Variants in SRCAP observed in about 807,000 individuals in gnomAD.
SRCAP encodes chromatin remodeling protein SRCAP.
In SRCAP, 46 loss-of-function variants were observed where a neutral mutation model predicts 263.1. That is an observed-to-expected ratio of 0.17 (90% CI 0.14 to 0.22). SRCAP has a LOEUF of 0.22. Ranked by LOEUF, SRCAP falls within the 10% of genes least tolerant of loss-of-function variation. SRCAP has a pLI of 1.00. For synonymous variants in SRCAP, 1,813 were observed against 1,662.1 expected, an observed-to-expected ratio of 1.09 and a Z score of -2.21; for missense variants, 3,695 against 4,181.9, an observed-to-expected ratio of 0.88 and a Z score of 3.21.
In SRCAP at chr16:30,704,152, C is replaced by T. The variant is rs1170509653; in HGVS notation, c.143C>T (p.Pro48Leu). ...PASSGAGGIS[P>L]QHIAQDSSLD... ...TCTAGTGGGGCAGGCGGCATCTCCC[C>T]GCAGCACATAGCTCAAGATTCCTCA... Residue 48 changes from proline to leucine, a missense_variant, in exon 4 of 34, where the codon CCG (proline) becomes CTG (leucine). Around this residue, in one of 12 missense-constraint regions of SRCAP, gnomAD observed 122 missense variants for 116.9 expected, o/e 1.04. Transcript: ENST00000262518. 1.7e-5 allele frequency: 28 copies of T among 1,614,082 alleles called. No homozygotes were observed. Among genetic ancestry groups the T allele is most frequent in the Non-Finnish European group, 2.2e-5 (26 of 1,180,046 alleles).
Position 30,700,766 on chromosome 16 carries a change from C to T in SRCAP, c.-59C>T. ...GACGCCAGCCCCTCGGCCAGCAGTACTGGTGATAACAACCCAGTCATTCTT... is the reference window on the plus strand; with the variant it reads ...GACGCCAGCCCCTCGGCCAGCAGTATTGGTGATAACAACCCAGTCATTCTT... On this transcript the variant is annotated 5_prime_UTR_variant, in exon 3 of 34. Coordinates refer to ENST00000262518, the MANE Select transcript of SRCAP (RefSeq NM_006662.3). 4 of 1,535,630 alleles carry T rather than the reference C, an allele frequency of 2.6e-6. No homozygotes were observed. Among genetic ancestry groups the T allele is most frequent in the South Asian group, 2.2e-5 (2 of 89,136 alleles).
At chr16:30,730,463 A>G (rs1028885861) in intron 27 of SRCAP, among the ~76,000 whole-genome samples, 1 of 150,146 alleles carries the variant, frequency 6.7e-6, no homozygotes, top group Non-Finnish European at 1.5e-5. Context: ...ATAGAGTCTC[A>G]CTCTGTCGCC....
At chr16:30,714,064 A>ATTT (rs528435570) in intron 16 of SRCAP, among the ~76,000 whole-genome samples, 1 of 123,144 alleles carries the variant, frequency 8.1e-6, no homozygotes, top group Admixed American at 7.9e-5. Context: ...AGCCTGGCTA[A>ATTT]TTTTTTTTTT....
At chr16:30,707,840 T>C (rs1183242507) in intron 6 of SRCAP, 128 bp downstream of exon 6, 1 of 1,256,736 alleles carries the variant, frequency 8.0e-7, no homozygotes, top group East Asian at 2.4e-5. Context: ...ACGTTTATGT[T>C]GTATGGATAA....
chr16:30,739,393 G>A lies in SRCAP; in HGVS notation c.9353G>A (p.Arg3118His), dbSNP rs1224978916. Residue 3118 changes from arginine to histidine, a missense_variant, in exon 34 of 34, where the codon CGC becomes CAC. Around this residue, in one of 12 missense-constraint regions of SRCAP, gnomAD observed 1,207 missense variants for 1,142.9 expected, o/e 1.06. Coordinates refer to ENST00000262518, the MANE Select transcript of SRCAP (RefSeq NM_006662.3). ...PPVVSLTPKL[R>H]STRLRPGSLV... ...GTGGTCTCACTAACCCCAAAACTGCGCTCGACCCGGCTGCGTCCAGGGTCT... is the reference window on the plus strand; with the variant it reads ...GTGGTCTCACTAACCCCAAAACTGCACTCGACCCGGCTGCGTCCAGGGTCT... 11 of 1,614,102 alleles carry A rather than the reference G, an allele frequency of 6.8e-6. No individual in the cohort carries two copies. The highest frequency in any genetic ancestry group is 2.2e-5 in the East Asian group (1 of 44,896).
chr16:30,714,330 C>A (rs1294858112), intron 16 of SRCAP, among the ~76,000 whole-genome samples: 1 of 150,952 alleles, frequency 6.6e-6, no homozygotes, highest in Non-Finnish European at 1.5e-5. Flanking sequence ...TCCCAAAGTG[C>A]TGGGATTATA....
At chr16:30,714,925 C>T (rs1227569322) in intron 16 of SRCAP, among the ~76,000 whole-genome samples, 1 of 152,042 alleles carries the variant, frequency 6.6e-6, no homozygotes, top group Non-Finnish European at 1.5e-5. Flanking sequence ...TTGGTGTTTT[C>T]TCTCTCTGGT....
chr16:30,724,334 C>T lies in SRCAP; in HGVS notation c.4910C>T (p.Thr1637Ile), dbSNP rs531077790. The change falls in exon 25 of 34, where the codon ACT becomes ATT. Residue 1637 changes from threonine to isoleucine, a missense_variant. This residue lies in a region of SRCAP where 1,347 missense variants were observed against 1,304.4 expected (regional missense o/e 1.03). Transcript: ENST00000262518. ...GTTCCAGTTATGGCTCCATCGTCTACTCCAGGAACCTCTTTAGCCTCAGCT... is the reference window on the plus strand; with the variant it reads ...GTTCCAGTTATGGCTCCATCGTCTATTCCAGGAACCTCTTTAGCCTCAGCT... ...TPVPVMAPSS[T>I]PGTSLASASP... 8.1e-6 allele frequency: 13 copies of T among 1,614,180 alleles called. No individual in the cohort carries two copies. The Admixed American group carries it at 1.3e-4, about 17-fold the overall frequency.
chr16:30,716,395 G>A lies in SRCAP; in HGVS notation c.2733G>A (p.Pro911=), dbSNP rs1046130450. 16 of 1,613,992 alleles carry A rather than the reference G, an allele frequency of 9.9e-6. No individual in the cohort carries two copies. The highest frequency in any genetic ancestry group is 5.3e-5 in the African/African-American group (4 of 74,884). ...CNHPNLFDPR[P]VTSPFITPGI... Reference sequence around the variant, plus strand: ...ATCCAAATCTGTTCGACCCTCGACCGGTTACCTCCCCTTTCATCACCCCAG... The same window carrying A: ...ATCCAAATCTGTTCGACCCTCGACCAGTTACCTCCCCTTTCATCACCCCAG... Residue 911 remains proline, a synonymous_variant, in exon 18 of 34, where the codon CCG becomes CCA. Coordinates refer to ENST00000262518, the MANE Select transcript of SRCAP (RefSeq NM_006662.3).
Position 30,734,502 on chromosome 16 carries a change from A to G in SRCAP, c.6616A>G (p.Ile2206Val). ...FTTAYFKQQTIRELFDMPLEE... is the reference protein window; with the variant it reads ...FTTAYFKQQTVRELFDMPLEE... ...CCTCTGTTCTATCCGATAGCAGACC[A>G]TCCGAGAGCTGTTTGATATGCCCCT... The change falls in exon 31 of 34, where the codon ATC (isoleucine) becomes GTC (valine). Residue 2206 changes from isoleucine to valine, a missense_variant. Ile to Val is a conservative substitution (Grantham distance 29). Transcript: ENST00000262518. 1.2e-6 allele frequency: 2 copies of G among 1,613,902 alleles called. No homozygotes were observed. Among genetic ancestry groups the G allele is most frequent in the East Asian group, 2.2e-5 (1 of 44,874 alleles).
In SRCAP at chr16:30,733,545, A is replaced by G; in HGVS notation, c.6298-57A>G. On this transcript the variant is annotated intron_variant, in intron 28 of 33. Transcript: ENST00000262518. The surrounding 1 kb of genome is among the most constrained non-coding windows in gnomAD (Gnocchi z 5.3). ...CCAGACGGGGTGCCACTAAGCCTTT[A>G]GACCTGTTTTGGGGGATAAGTCTCC... 6.2e-7 allele frequency: 1 copy of G among 1,603,980 alleles called. No homozygotes were observed.
At chr16:30,717,821 A>G (rs539213739) in intron 18 of SRCAP, among the ~76,000 whole-genome samples, 95 of 150,108 alleles carry the variant, frequency 6.3e-4, no homozygotes, top group Non-Finnish European at 1.1e-3. Flanking sequence ...GTTTGCCAGG[A>G]TGGTCTTCAT....
At chr16:30,716,557 G>A in intron 18 of SRCAP, 78 bp downstream of exon 18, 1 of 1,384,556 alleles carries the variant, frequency 7.2e-7, no homozygotes, top group South Asian at 1.4e-5. Context: ...CGTTAGACTG[G>A]GGTCTGACTT....
intron 13 of SRCAP, 45 bp downstream of exon 13, chr16:30,712,484 C>T (rs1013050784): frequency 2.6e-6 from 4 of 1,534,616 alleles, no homozygotes; most frequent in African/African-American, 1.4e-5. Flanking sequence ...AGTCTAGCTC[C>T]CTGGGAGCTT....
intron 14 of SRCAP, 141 bp downstream of exon 14, chr16:30,712,956 C>T (rs2052908132): frequency 3.4e-6 from 4 of 1,173,872 alleles, no homozygotes; most frequent in Non-Finnish European, 4.7e-6. Context: ...GATGGGGTCT[C>T]ACTATGTTAC....
intron 33 of SRCAP, among the ~76,000 whole-genome samples, 183 bp from the exon 34 acceptor site, chr16:30,736,866 G>A (rs1464370083): frequency 1.3e-5 from 2 of 151,952 alleles, no homozygotes; most frequent in Admixed American, 6.6e-5. Context: ...AGAGACGGGG[G>A]TTTCACCATG....
In SRCAP at chr16:30,739,395, T is replaced by C; in HGVS notation, c.9355T>C (p.Ser3119Pro). 2 of 1,614,160 alleles carry C rather than the reference T, an allele frequency of 1.2e-6. No homozygotes were observed. The highest frequency in any genetic ancestry group is 1.1e-5 in the South Asian group (1 of 91,088). Reference protein sequence around the residue: ...PVVSLTPKLRSTRLRPGSLVP... With the variant: ...PVVSLTPKLRPTRLRPGSLVP... ...GGTCTCACTAACCCCAAAACTGCGC[T>C]CGACCCGGCTGCGTCCAGGGTCTCT... is the stretch of plus-strand genomic sequence containing the variant. The change falls in exon 34 of 34, where the codon TCG becomes CCG. Residue 3119 changes from serine (S) to proline (P), a missense_variant. Ser to Pro is a moderately conservative substitution (Grantham distance 74, BLOSUM62 -1). Coordinates refer to ENST00000262518, the MANE Select transcript of SRCAP (RefSeq NM_006662.3).
In SRCAP at chr16:30,704,504, G is replaced by A. The variant is rs186749154; in HGVS notation, c.306+189G>A. Among the ~76,000 whole-genome samples, 13 of 152,214 alleles carry A rather than the reference G, an allele frequency of 8.5e-5. No homozygotes were observed. In the East Asian group the frequency reaches 2.3e-3, roughly 27 times the overall value. Reference sequence around the variant, plus strand: ...CATTTTCCTTGCTGTAAATAAAATAGGAATGATATAATAGTTTATAGGCTA... The same window carrying A: ...CATTTTCCTTGCTGTAAATAAAATAAGAATGATATAATAGTTTATAGGCTA... On this transcript the variant is annotated intron_variant, in intron 4 of 33. Coordinates refer to ENST00000262518, the MANE Select transcript of SRCAP (RefSeq NM_006662.3).
chr16:30,703,403 AG>A, intron 3 of SRCAP, among the ~76,000 whole-genome samples: 1 of 150,542 alleles, frequency 6.6e-6, no homozygotes, highest in South Asian at 2.1e-4. Flanking sequence ...CATGTTGGCC[AG>A]GTTGGTCTCA....
Sources: allele counts gnomAD v4.1 joint callset (sites outside exome capture counted in the v4.1 genomes callset), GRCh38; gene constraint gnomAD v4.1.1; regional missense constraint gnomAD v4.1.1; non-coding constraint Gnocchi (gnomAD v3.1); transcripts MANE v1.5; gene names NCBI Gene and HGNC (gene_info 2026-07-23, HGNC 2026-07-21).